Variants in SORCS2 observed in about 807,000 individuals in gnomAD.
SORCS2 encodes VPS10 domain-containing receptor SorCS2.
In SORCS2, 100 loss-of-function variants were observed where a neutral mutation model predicts 141.6. The observed-to-expected ratio is 0.71, with a 90% CI of 0.60 to 0.83. SORCS2 has a LOEUF of 0.83. Among genes scored for constraint, SORCS2 ranks in the 40% least tolerant of loss-of-function variants. The probability of loss-of-function intolerance (pLI) is 0.00; values close to 1 mark genes in which losing one functional copy is unlikely to be tolerated. For missense variants in SORCS2, 1,646 were observed against 1,560.2 expected (o/e 1.05, Z -0.93); for synonymous variants, 789 against 676.9 (o/e 1.17, Z -2.57).
chr4:7,478,523 G>T (rs180831848), intron 2 of SORCS2, among the ~76,000 whole-genome samples: 1 of 152,252 alleles, frequency 6.6e-6, no homozygotes. Context: ...TGAGGCAGGG[G>T]TAGAGTCTGT....
At chr4:7,290,940 C>T (rs964195940) in intron 1 of SORCS2, among the ~76,000 whole-genome samples, 20 of 152,148 alleles carry the variant, frequency 1.3e-4, no homozygotes, top group South Asian at 1.0e-3. Context: ...ATGAATTACA[C>T]GGTTCTTTAT....
chr4:7,543,368 CG>C (rs2109593614), intron 3 of SORCS2, among the ~76,000 whole-genome samples: 1 of 152,176 alleles, frequency 6.6e-6, no homozygotes, highest in East Asian at 1.9e-4. Flanking sequence ...CCCACCTATC[CG>C]TTGATTCATA....
At chr4:7,634,884 C>A (rs1272160248) in intron 3 of SORCS2, among the ~76,000 whole-genome samples, 5 of 152,194 alleles carry the variant, frequency 3.3e-5, no homozygotes, top group African/African-American at 9.7e-5. Flanking sequence ...CCATCCGATG[C>A]CCAGAAAAAC....
rs765359701 is a variant in SORCS2, at chr4:7,726,812, G to A, written c.2778G>A (p.Thr926=). ...TTTCCCTGGATAATTCTGTGACAACGCGGTTTTCGGACACGGGCGACGTGC... is the reference window on the plus strand; with the variant it reads ...TTTCCCTGGATAATTCTGTGACAACACGGTTTTCGGACACGGGCGACGTGC... The part of the protein sequence containing the change: ...PLLSLDNSVT[T]RFSDTGDVRV... The change falls in exon 21 of 27, where the codon ACG becomes ACA. Residue 926 remains threonine, a synonymous_variant. Transcript: ENST00000507866. 17 of 1,613,782 alleles carry A rather than the reference G, an allele frequency of 1.1e-5. No individual in the cohort carries two copies. The highest frequency in any genetic ancestry group is 1.4e-5 in the Non-Finnish European group (17 of 1,179,832).
intron 1 of SORCS2, among the ~76,000 whole-genome samples, chr4:7,289,505 C>G (rs1415325138): frequency 6.6e-6 from 1 of 152,204 alleles, no homozygotes; most frequent in Non-Finnish European, 1.5e-5. Flanking sequence ...CTCCTAGTGC[C>G]TGGAACAGTG....
At chr4:7,475,098 C>T (rs1560315028) in intron 2 of SORCS2, among the ~76,000 whole-genome samples, 1 of 152,208 alleles carries the variant, frequency 6.6e-6, no homozygotes, top group African/African-American at 2.4e-5. Flanking sequence ...TTTGCCAATG[C>T]CAGGGGTAAG....
At chr4:7,289,323 A>G (rs1232936907) in intron 1 of SORCS2, among the ~76,000 whole-genome samples, 2 of 152,086 alleles carry the variant, frequency 1.3e-5, no homozygotes, top group East Asian at 3.9e-4. Context: ...TCCTCCAGGA[A>G]GCCTTCCTGG....
chr4:7,424,979 G>A (rs1405740381), intron 2 of SORCS2, among the ~76,000 whole-genome samples: 1 of 152,244 alleles, frequency 6.6e-6, no homozygotes, highest in African/African-American at 2.4e-5. Flanking sequence ...CAGCAGGAAG[G>A]TGGAATGGAT....
At chr4:7,207,087 G>A (rs996050585) in intron 1 of SORCS2, among the ~76,000 whole-genome samples, 12 of 152,100 alleles carry the variant, frequency 7.9e-5, no homozygotes, top group Admixed American at 6.5e-5. Context: ...CCATGTACAC[G>A]CCAGCCCTGT....
chr4:7,445,482 T>A (rs1727926940), intron 2 of SORCS2, among the ~76,000 whole-genome samples: 1 of 152,066 alleles, frequency 6.6e-6, no homozygotes, highest in South Asian at 2.1e-4. Flanking sequence ...ACAGCTGCCC[T>A]CCATGAGTGG....
intron 4 of SORCS2, among the ~76,000 whole-genome samples, chr4:7,650,734 AGCCC>A (rs1721387835): frequency 4.8e-5 from 2 of 41,992 alleles, no homozygotes; most frequent in African/African-American, 2.1e-4. Flanking sequence ...CGCCCAGCCC[AGCCC>A]AGCCCAGCCC....
intron 11 of SORCS2, 96 bp from the exon 12 acceptor site, chr4:7,697,102 G>C (rs1577086461): frequency 9.6e-7 from 1 of 1,044,036 alleles, no homozygotes; most frequent in Admixed American, 2.1e-5. Context: ...CGGGGCACTG[G>C]CCACCGTTGC....
rs141842281 is a variant in SORCS2 at position 7,499,831 on chromosome 4, G to A, written c.549-31699G>A. On this transcript the variant is annotated intron_variant, in intron 2 of 26. Transcript: ENST00000507866. Reference sequence around the variant, plus strand: ...GGTGATGCTGAGAGCAAACAATCGGGGACCGAGCCGGCACAGGTGGGTGGA... The same window carrying A: ...GGTGATGCTGAGAGCAAACAATCGGAGACCGAGCCGGCACAGGTGGGTGGA... Among the ~76,000 whole-genome samples, 575 of 152,298 alleles carry A rather than the reference G, an allele frequency of 3.8e-3. 1 individual carries two copies. The highest frequency in any genetic ancestry group is 6.0e-3 in the Non-Finnish European group (406 of 68,024).
chr4:7,333,162 C>T (rs1719764036), intron 1 of SORCS2, among the ~76,000 whole-genome samples: 1 of 152,194 alleles, frequency 6.6e-6, no homozygotes, highest in South Asian at 2.1e-4. Flanking sequence ...TGCCTCTGAC[C>T]CCACCCCACT....
chr4:7,510,775 G>A (rs1476533200), intron 2 of SORCS2, among the ~76,000 whole-genome samples: 2 of 152,228 alleles, frequency 1.3e-5, no homozygotes, highest in African/African-American at 4.8e-5. Flanking sequence ...ATGGACCGAC[G>A]CTTGCGCATC....
chr4:7,686,534 T>C (rs991265158), intron 10 of SORCS2, among the ~76,000 whole-genome samples: 1 of 152,212 alleles, frequency 6.6e-6, no homozygotes, highest in African/African-American at 2.4e-5. Context: ...CGGTCAACAC[T>C]GGAGCATTCT....
chr4:7,456,353 C>T (rs907363232), intron 2 of SORCS2, among the ~76,000 whole-genome samples: 6 of 152,178 alleles, frequency 3.9e-5, no homozygotes, highest in African/African-American at 1.2e-4. Context: ...GAGGCATTTC[C>T]CTTCTGCTGA....
At chr4:7,434,892 C>G (rs778334942) in intron 2 of SORCS2, 3 of 1,536,806 alleles carry the variant, frequency 2.0e-6, no homozygotes, top group East Asian at 2.4e-5. Context: ...TGCCCAGGGA[C>G]TCTCTGGCTC....
intron 1 of SORCS2, among the ~76,000 whole-genome samples, chr4:7,283,830 C>A (rs970438626): frequency 9.2e-5 from 14 of 152,060 alleles, no homozygotes; most frequent in African/African-American, 3.4e-4. Flanking sequence ...GGGGCAGGAC[C>A]AGAACCTGGG....
Sources: gnomAD v4.1 joint callset for allele counts (sites outside exome capture counted in the v4.1 genomes callset) on GRCh38, gnomAD v4.1.1 for gene constraint, MANE v1.5 for transcripts, NCBI Gene and HGNC (gene_info 2026-07-23, HGNC 2026-07-21) for gene names.